AOAH: variants seen among roughly 807,000 people sequenced by gnomAD.
The protein encoded by AOAH is acyloxyacyl hydrolase (neutrophil).
AOAH carries 64 observed loss-of-function variants against 92.2 expected under a neutral mutation model. That is an observed-to-expected ratio of 0.69 (90% CI 0.57 to 0.86). AOAH has a LOEUF of 0.86. Among genes scored for constraint, AOAH ranks in the 40% least tolerant of loss-of-function variants. AOAH has a pLI of 0.00. For missense variants in AOAH, 656 were observed against 694.6 expected, an observed-to-expected ratio of 0.94 and a Z score of 0.62; for synonymous variants, 263 against 254.5, an observed-to-expected ratio of 1.03 and a Z score of -0.32.
At chr7:36,597,427 G>A (rs1790207984) in intron 11 of AOAH, among the ~76,000 whole-genome samples, 1 of 152,148 alleles carries the variant, frequency 6.6e-6, no homozygotes, top group Non-Finnish European at 1.5e-5. Context: ...TGTGTTTACT[G>A]TAGGATGAGA....
intron 1 of AOAH, among the ~76,000 whole-genome samples, chr7:36,709,308 G>T (rs1028823727): frequency 6.6e-6 from 1 of 152,140 alleles, no homozygotes; most frequent in Non-Finnish European, 1.5e-5. Flanking sequence ...GGTTTTTGCA[G>T]CCAGTTCCAC....
chr7:36,620,851 T>C (rs748743458), intron 8 of AOAH, 22 bp from the exon 9 acceptor site: 47 of 1,612,008 alleles, frequency 2.9e-5, no homozygotes, highest in Non-Finnish European at 3.8e-5. Context: ...ACATTAACAT[T>C]GGTCTTTGAC....
At chr7:36,514,655 A>T in intron 20 of AOAH, 1 of 1,137,914 alleles carries the variant, frequency 8.8e-7, no homozygotes, top group South Asian at 1.3e-5. Flanking sequence ...AGATGGCTCC[A>T]TCTCAACAGT....
rs1006303358 is a variant in AOAH at position 36,632,178 on chromosome 7, C to T, written c.451-72G>A. On this transcript the variant is annotated intron_variant, in intron 5 of 20. Coordinates refer to ENST00000617537, the MANE Select transcript of AOAH (RefSeq NM_001637.4). ...GTGGTTCCCCACCTTCTAAAGGCCC[C>T]TCTGAACTTGAGGTTTCTGGATCCT... is the stretch of plus-strand genomic sequence containing the variant. 11 of 1,301,640 alleles carry T rather than the reference C, an allele frequency of 8.5e-6. No individual in the cohort carries two copies. In the African/African-American group the frequency reaches 1.5e-4, roughly 18 times the overall value. 80.6% of individuals were successfully genotyped at this position (1,301,640 alleles called of 1,614,324 possible). A position where few individuals can be genotyped will look rare whatever the true frequency, so the allele number is the denominator to read the frequency against.
chr7:36,570,044 T>C (rs941117083), intron 13 of AOAH, among the ~76,000 whole-genome samples: 3 of 152,256 alleles, frequency 2.0e-5, no homozygotes, highest in Admixed American at 1.3e-4. Context: ...GTTCTCTTAA[T>C]AGATTTTTAA....
In AOAH at chr7:36,724,066, T is replaced by A; in HGVS notation, c.83A>T (p.Asp28Val). ...SLQSSASPAN[D>V]DQSRPSLSNG... is the part of the protein sequence containing the mutation. ...CGAGAGGCTGGGCCTGGACTGGTCA[T>A]CGTTGGCTGGAGAGGCCGAGGACTG... The change falls in exon 1 of 21, where the codon GAT becomes GTT. Residue 28 changes from aspartate (D) to valine (V), a missense_variant. Coordinates refer to ENST00000617537, the MANE Select transcript of AOAH (RefSeq NM_001637.4). 1.2e-6 allele frequency: 2 copies of A among 1,613,794 alleles called. No homozygotes were observed. The highest frequency in any genetic ancestry group is 1.7e-6 in the Non-Finnish European group (2 of 1,179,800).
intron 1 of AOAH, among the ~76,000 whole-genome samples, chr7:36,723,642 G>A (rs1170971750): frequency 2.6e-5 from 4 of 152,182 alleles, no homozygotes; most frequent in Non-Finnish European, 4.4e-5. Context: ...GGAAATGGGA[G>A]AGAAGGGTAG....
chr7:36,560,603 AGTT>A (rs1787193603), intron 13 of AOAH, among the ~76,000 whole-genome samples: 1 of 152,178 alleles, frequency 6.6e-6, no homozygotes, highest in Non-Finnish European at 1.5e-5. Context: ...ACTTTGCTAA[AGTT>A]GTTTATCAGT....
intron 13 of AOAH, among the ~76,000 whole-genome samples, chr7:36,568,473 A>G (rs960291970): frequency 6.6e-6 from 1 of 152,182 alleles, no homozygotes; most frequent in Non-Finnish European, 1.5e-5. Flanking sequence ...TCACTCTTGC[A>G]AGCCTTTCTG....
At chr7:36,576,797 C>A (rs1788535987) in intron 12 of AOAH, 141 bp from the exon 13 acceptor site, 1 of 498,992 alleles carries the variant, frequency 2.0e-6, no homozygotes, top group Non-Finnish European at 3.5e-6. Context: ...CAAGTTTTCT[C>A]TGAACTGTGA....
chr7:36,563,118 G>C (rs1787401081), intron 13 of AOAH, among the ~76,000 whole-genome samples: 1 of 116,200 alleles, frequency 8.6e-6, no homozygotes, highest in Non-Finnish European at 1.6e-5. Flanking sequence ...CTGCACTCCA[G>C]CCTGTGCAAC....
At chr7:36,722,675 C>T (rs1333135685) in intron 1 of AOAH, among the ~76,000 whole-genome samples, 1 of 149,748 alleles carries the variant, frequency 6.7e-6, no homozygotes, top group Non-Finnish European at 1.5e-5. Context: ...GTGGCTCATG[C>T]CTGTAATCCC....
At chr7:36,598,479 A>G (rs1342806861) in intron 11 of AOAH, among the ~76,000 whole-genome samples, 2 of 152,240 alleles carry the variant, frequency 1.3e-5, no homozygotes, top group Non-Finnish European at 2.9e-5. Context: ...CAATGACTAT[A>G]GAAATATCAC....
intron 11 of AOAH, among the ~76,000 whole-genome samples, chr7:36,611,436 G>A (rs1021309138): frequency 6.6e-6 from 1 of 152,124 alleles, no homozygotes; most frequent in South Asian, 2.1e-4. Flanking sequence ...AATGCTGTTC[G>A]ACAGCACTTG....
At chr7:36,715,167 A>G (rs954050780) in intron 1 of AOAH, among the ~76,000 whole-genome samples, 3 of 152,182 alleles carry the variant, frequency 2.0e-5, no homozygotes, top group African/African-American at 7.2e-5. Flanking sequence ...AATCACAAGC[A>G]TTCTTATACA....
chr7:36,687,491 T>C (rs1797109468), intron 1 of AOAH, among the ~76,000 whole-genome samples: 3 of 152,172 alleles, frequency 2.0e-5, no homozygotes, highest in Non-Finnish European at 2.9e-5. Flanking sequence ...TCCTAGAAGA[T>C]TCTATCGCTT....
At chr7:36,633,849 G>A (rs947410235) in intron 5 of AOAH, among the ~76,000 whole-genome samples, 8 of 152,158 alleles carry the variant, frequency 5.3e-5, no homozygotes, top group African/African-American at 9.7e-5. Flanking sequence ...ATGTTGAGCC[G>A]ATAATAATTC....
intron 20 of AOAH, among the ~76,000 whole-genome samples, chr7:36,519,454 G>C (rs1318696979): frequency 6.6e-6 from 1 of 152,120 alleles, no homozygotes; most frequent in Non-Finnish European, 1.5e-5. Context: ...TTTTGAGATG[G>C]AGTTTCGCTC....
chr7:36,521,604 GA>G (rs1388585267), intron 20 of AOAH, among the ~76,000 whole-genome samples: 4 of 151,822 alleles, frequency 2.6e-5, no homozygotes, highest in Non-Finnish European at 4.4e-5. Context: ...ACCCTTTCTA[GA>G]AAGACCATAG....
Sources: allele counts gnomAD v4.1 joint callset (sites outside exome capture counted in the v4.1 genomes callset), GRCh38; gene constraint gnomAD v4.1.1; transcripts MANE v1.5; gene names NCBI Gene and HGNC (gene_info 2026-07-23, HGNC 2026-07-21).